Variants in CRYM observed in about 807,000 individuals in gnomAD.
CRYM encodes crystallin mu.
A neutral mutation model predicts 32.9 loss-of-function variants in CRYM; 18 were observed. The observed-to-expected ratio is 0.55, with a 90% confidence interval of 0.38 to 0.81. CRYM has a LOEUF of 0.81. CRYM is among the 30% of genes least tolerant of loss of function. The pLI is 0.00. For synonymous variants in CRYM, 153 were observed against 152.4 expected, an observed-to-expected ratio of 1.00 and a Z score of -0.03; for missense variants, 337 against 393.5, an observed-to-expected ratio of 0.86 and a Z score of 1.21.
In CRYM at chr16:21,277,957, A is replaced by C. The variant is rs1207829844; in HGVS notation, c.170+125T>G. The C allele has an allele frequency of 2.6e-6, 3 of 1,138,358 alleles. No homozygotes were observed. The African/African-American group carries it at 4.6e-5, about 18-fold the overall frequency. The allele number at this position is 1,138,358 out of a possible 1,614,324, so 70.5% of individuals were successfully genotyped here. On this transcript the variant is annotated intron_variant, in intron 1 of 7. Coordinates refer to ENST00000572914, the MANE Select transcript of CRYM (RefSeq NM_001376256.1). The surrounding 1 kb of genome is among the most constrained non-coding windows in gnomAD (Gnocchi z 4.2). ...TAGCACACCGGGTAGCGCCTATTAA[A>C]AGTGGCAGCTGTTAGCAACGGTTAG...
chr16:21,266,222 TCAAACAAA>T (rs372122674), intron 5 of CRYM, among the ~76,000 whole-genome samples: 13 of 151,964 alleles, frequency 8.6e-5, no homozygotes, highest in South Asian at 2.1e-4. Context: ...AGACTCCATC[TCAAACAAA>T]CAAACAAACA....
chr16:21,297,978 A>C (rs547510434), intron 1 of CRYM, among the ~76,000 whole-genome samples: 4 of 152,230 alleles, frequency 2.6e-5, no homozygotes, highest in Non-Finnish European at 5.9e-5. Flanking sequence ...TTAGCAATGC[A>C]TTAAAAAATG....
chr16:21,297,839 T>C (rs1960820076), intron 1 of CRYM, among the ~76,000 whole-genome samples: 1 of 152,148 alleles, frequency 6.6e-6, no homozygotes, highest in African/African-American at 2.4e-5. Context: ...AAAAATATTT[T>C]TCAGATTGGC....
chr16:21,280,293 T>C (rs138101861), upstream of CRYM, among the ~76,000 whole-genome samples: 167 of 152,178 alleles, frequency 1.1e-3, no homozygotes, highest in South Asian at 7.1e-3. Context: ...GGCAGGAGAA[T>C]TGCTGGAACC....
chr16:21,262,277 C>T (rs2093356047), intron 5 of CRYM, 119 bp from the exon 6 acceptor site: 8 of 1,238,610 alleles, frequency 6.5e-6, no homozygotes, highest in African/African-American at 3.0e-5. Flanking sequence ...TCAAAATACC[C>T]CCTCATTCCC....
intron 3 of CRYM, among the ~76,000 whole-genome samples, chr16:21,271,507 T>C (rs1163478117): frequency 1.3e-5 from 2 of 152,190 alleles, no homozygotes; most frequent in African/African-American, 4.8e-5. Context: ...CTCTGAAATA[T>C]TAGGAATTAA....
intron 1 of CRYM, chr16:21,283,515 G>A (rs1255446513): frequency 6.6e-6 from 1 of 151,964 alleles, no homozygotes; most frequent in Non-Finnish European, 1.5e-5. Flanking sequence ...CACCTTGAAT[G>A]CTGCAGCCAA....
At chr16:21,269,219 C>T (rs2093370047) in intron 4 of CRYM, among the ~76,000 whole-genome samples, 1 of 150,918 alleles carries the variant, frequency 6.6e-6, no homozygotes, top group Non-Finnish European at 1.5e-5. Context: ...CTATATTTCT[C>T]AAGGCAGTGG....
intron 1 of CRYM, among the ~76,000 whole-genome samples, chr16:21,284,547 ATTTC>A (rs921777686): frequency 5.9e-5 from 9 of 151,844 alleles, no homozygotes; most frequent in South Asian, 4.2e-4. Context: ...GGTTCTAGAC[ATTTC>A]TTTCTTTCTT....
chr16:21,259,934 T>G (rs1235152087), intron 7 of CRYM, among the ~76,000 whole-genome samples: 1 of 152,212 alleles, frequency 6.6e-6, no homozygotes, highest in African/African-American at 2.4e-5. Context: ...TTTGGCTCCT[T>G]AAGTAAGGGC....
intron 5 of CRYM, among the ~76,000 whole-genome samples, chr16:21,263,848 G>A (rs1009071489): frequency 6.6e-6 from 1 of 152,216 alleles, no homozygotes; most frequent in African/African-American, 2.4e-5. Context: ...CCCTTCCGAA[G>A]GGGACAGTCA....
At chr16:21,297,368 G>C (rs1343939376) in intron 1 of CRYM, among the ~76,000 whole-genome samples, 1 of 152,086 alleles carries the variant, frequency 6.6e-6, no homozygotes, top group East Asian at 1.9e-4. Context: ...ACTCCAGCCT[G>C]GGCAACAAGA....
chr16:21,276,662 G>C (rs1381471624), intron 2 of CRYM, among the ~76,000 whole-genome samples: 2 of 152,202 alleles, frequency 1.3e-5, no homozygotes, highest in Non-Finnish European at 2.9e-5. Flanking sequence ...AATTGAATGT[G>C]ATCAGCGTCT....
rs181442744 is a variant in CRYM at position 21,271,538 on chromosome 16, G to A, written c.388-1647C>T. 4.0e-4 allele frequency among the ~76,000 whole-genome samples: 61 copies of A among 152,292 alleles called. 1 individual carries two copies. Among genetic ancestry groups the A allele is most frequent in the African/African-American group, 1.3e-3 (55 of 41,572 alleles). ...ATTAATTTTATCTCCTGCAGCTACC[G>A]AAGGAGAGATACCATTCTGTGCCAT... On this transcript the variant is annotated intron_variant, in intron 3 of 7. Coordinates refer to ENST00000572914, the MANE Select transcript of CRYM (RefSeq NM_001376256.1).
intron 1 of CRYM, among the ~76,000 whole-genome samples, chr16:21,294,839 C>T (rs1256236185): frequency 1.3e-5 from 2 of 151,868 alleles, no homozygotes; most frequent in African/African-American, 4.8e-5. Context: ...GGACTACAGG[C>T]ACACACCACC....
intron 2 of CRYM, 126 bp from the exon 3 acceptor site, chr16:21,275,720 C>T: frequency 1.3e-6 from 1 of 752,338 alleles, no homozygotes; most frequent in Non-Finnish European, 2.3e-6. Context: ...GGTTTGGCGT[C>T]AGACCTGGAT....
chr16:21,283,586 G>A (rs1187746483), intron 1 of CRYM: 1 of 151,762 alleles, frequency 6.6e-6, no homozygotes, highest in Non-Finnish European at 1.5e-5. Context: ...GGGACTGAGC[G>A]GTGGGCCAGG....
chr16:21,284,909 C>T lies in CRYM; in HGVS notation c.-192-5949G>A, dbSNP rs148873091. Among the ~76,000 whole-genome samples the T allele has an allele frequency of 1.4e-4, 21 of 152,320 alleles. No individual in the cohort carries two copies. In the East Asian group the frequency reaches 3.7e-3, roughly 27 times the overall value. ...TTCCCACCAACAGTGTATAAGTGTTCTCTTTTCTCCACAGCCTCACCAGCA... is the reference window on the plus strand; with the variant it reads ...TTCCCACCAACAGTGTATAAGTGTTTTCTTTTCTCCACAGCCTCACCAGCA... On this transcript the variant is annotated intron_variant, in intron 1 of 9. Coordinates refer to the CRYM transcript ENST00000219599.
Position 21,277,934 on chromosome 16 carries a change from G to T in CRYM, c.170+148C>A, listed in dbSNP as rs891257031. 17 of 924,222 alleles carry T rather than the reference G, an allele frequency of 1.8e-5. No individual in the cohort carries two copies. Among genetic ancestry groups the T allele is most frequent in the Middle Eastern group, 3.4e-4 (1 of 2,932 alleles). 57.3% of individuals were successfully genotyped at this position (924,222 alleles called of 1,614,324 possible). A position where few individuals can be genotyped will look rare whatever the true frequency, so the allele number is the denominator to read the frequency against. ...GTAACACCTGTAAAACGCCCACTTA[G>T]CACACCGGGTAGCGCCTATTAAAAG... On this transcript the variant is annotated intron_variant, in intron 1 of 7. Transcript: ENST00000572914. This position sits in a 1 kb window ranked among gnomAD's most constrained non-coding sequence, Gnocchi z 4.2.
Sources: allele counts gnomAD v4.1 joint callset (sites outside exome capture counted in the v4.1 genomes callset), GRCh38; gene constraint gnomAD v4.1.1; non-coding constraint Gnocchi (gnomAD v3.1); transcripts MANE v1.5; gene names NCBI Gene and HGNC (gene_info 2026-07-23, HGNC 2026-07-21).